Variants in APC observed in about 807,000 individuals in gnomAD.
APC encodes adenomatous polyposis coli protein.
A neutral mutation model predicts 247.0 loss-of-function variants in APC; 72 were observed. That is an observed-to-expected ratio of 0.29 (90% CI 0.24 to 0.35). The LOEUF is 0.35. Among genes scored for constraint, APC ranks in the 10% least tolerant of loss-of-function variants. APC has a pLI of 1.00. For missense variants in APC, 3,400 were observed against 3,360.7 expected (o/e 1.01, Z -0.29); for synonymous variants, 1,254 against 1,162.5 (o/e 1.08, Z -1.60).
rs904001781 is a variant in APC, at chr5:112,707,552, C to T, written c.-166C>T. On this transcript the variant is annotated 5_prime_UTR_variant, in exon 1 of 14. Coordinates refer to the APC transcript ENST00000507379. ...TGGCGGAGGGCAAGTAGCAAGGGGG[C>T]GGGGTGTGGCCGCCGGAAGCCTAGC... The T allele has an allele frequency of 1.3e-4, 75 of 575,058 alleles. No homozygotes were observed. The highest frequency in any genetic ancestry group is 1.2e-3 in the African/African-American group (62 of 53,558). The allele number at this position is 575,058 out of a possible 1,614,324, so 35.6% of individuals were successfully genotyped here.
intron 5 of APC, 137 bp downstream of exon 5, chr5:112,775,874 G>A: frequency 1.8e-6 from 1 of 551,620 alleles, no homozygotes; most frequent in Non-Finnish European, 3.2e-6. Context: ...CCAACTTTAG[G>A]CCTGAATATA....
At position 112,839,463 on chromosome 5, in the gene APC, A is replaced by T. The variant is rs1554085358; in HGVS notation, c.3869A>T (p.Asn1290Ile). Residue 1290 changes from asparagine (N) to isoleucine (I), a missense_variant, in exon 16 of 16, where the codon AAT becomes ATT. By Grantham distance (149) the Asn-to-Ile change is moderately radical. Around this residue, in one of 9 missense-constraint regions of APC, gnomAD observed 715 missense variants for 656.6 expected, o/e 1.09. Coordinates refer to ENST00000257430, the MANE Select transcript of APC (RefSeq NM_000038.6). This position sits in a 1 kb window ranked among gnomAD's most constrained non-coding sequence, Gnocchi z 5.0. The part of the protein sequence containing the change: ...LSSAEDEIGC[N>I]QTTQEADSAN... Reference sequence around the variant, plus strand: ...TCAGCTGAAGATGAAATAGGATGTAATCAGACGACACAGGAAGCAGATTCT... The same window carrying T: ...TCAGCTGAAGATGAAATAGGATGTATTCAGACGACACAGGAAGCAGATTCT... 6.2e-7 allele frequency: 1 copy of T among 1,614,210 alleles called. No individual in the cohort carries two copies. The highest frequency in any genetic ancestry group is 8.5e-7 in the Non-Finnish European group (1 of 1,180,024).
At chr5:112,729,194 A>G (rs1375260895) in intron 1 of APC, among the ~76,000 whole-genome samples, 3 of 152,230 alleles carry the variant, frequency 2.0e-5, no homozygotes, top group African/African-American at 7.2e-5. Flanking sequence ...ACTGTTATAG[A>G]TGCGAGGGAA....
intron 7 of APC, 36 bp from the exon 8 acceptor site, chr5:112,801,243 T>A (rs2149711073): frequency 6.4e-7 from 1 of 1,571,848 alleles, no homozygotes. Context: ...GCCTACACCA[T>A]TTTTGCATGT....
chr5:112,731,907 A>G (rs535845338), intron 1 of APC, among the ~76,000 whole-genome samples: 1 of 152,258 alleles, frequency 6.6e-6, no homozygotes, highest in East Asian at 1.9e-4. Context: ...GACTACAGGC[A>G]TGTGCCACCT....
chr5:112,813,005 C>T (rs1762138106), intron 8 of APC, among the ~76,000 whole-genome samples: 3 of 152,110 alleles, frequency 2.0e-5, no homozygotes. Context: ...AGTCCAGACC[C>T]ACAAAGGAAG....
chr5:112,804,214 G>T (rs981647674), intron 8 of APC, among the ~76,000 whole-genome samples: 5 of 152,144 alleles, frequency 3.3e-5, no homozygotes, highest in Non-Finnish European at 7.3e-5. Context: ...TTGATACGCT[G>T]TATTCCTGCT....
intron 13 of APC, among the ~76,000 whole-genome samples, chr5:112,828,224 G>A (rs544789030): frequency 5.3e-5 from 8 of 151,952 alleles, no homozygotes; most frequent in East Asian, 1.9e-4. Context: ...TATAGAGACG[G>A]GGTTTCACCA....
chr5:112,834,794 T>A (rs1764679782), intron 14 of APC, among the ~76,000 whole-genome samples, 157 bp from the exon 15 acceptor site: 1 of 152,208 alleles, frequency 6.6e-6, no homozygotes, highest in Non-Finnish European at 1.5e-5. Context: ...TGGTATTTTA[T>A]GAACATTTTT....
intron 8 of APC, among the ~76,000 whole-genome samples, chr5:112,802,176 A>G (rs558997840): frequency 6.6e-6 from 1 of 152,108 alleles, no homozygotes; most frequent in African/African-American, 2.4e-5. Flanking sequence ...TAGTCTCTCT[A>G]GGTTACTTTT....
chr5:112,785,757 A>G (rs1356274487), intron 6 of APC, among the ~76,000 whole-genome samples: 1 of 152,218 alleles, frequency 6.6e-6, no homozygotes, highest in African/African-American at 2.4e-5. Context: ...AATAAATTAT[A>G]TAGGTACAAC....
At chr5:112,767,455 A>C (rs1226086811) in intron 4 of APC, 65 bp downstream of exon 4, 1 of 1,304,900 alleles carries the variant, frequency 7.7e-7, no homozygotes, top group Non-Finnish European at 1.1e-6. Context: ...TTTGTAATAT[A>C]ATATTTAAAT....
At position 112,846,091 on chromosome 5, in the gene APC, T is replaced by C; in HGVS notation, c.*1965T>C. Reference sequence around the variant, plus strand: ...ATTTGACTCCAATGCCTGTACTGTGTCTACTGCACCACTTTGTAAACACTT... The same window carrying C: ...ATTTGACTCCAATGCCTGTACTGTGCCTACTGCACCACTTTGTAAACACTT... On this transcript the variant is annotated 3_prime_UTR_variant, in exon 16 of 16. Coordinates refer to ENST00000257430, the MANE Select transcript of APC (RefSeq NM_000038.6). 4.3e-6 allele frequency: 1 copy of C among 232,424 alleles called. No homozygotes were observed. Among genetic ancestry groups the C allele is most frequent in the East Asian group, 6.1e-5 (1 of 16,396 alleles). 14.4% of individuals were successfully genotyped at this position (232,424 alleles called of 1,614,324 possible).
At chr5:112,773,518 C>T (rs566728428) in intron 4 of APC, among the ~76,000 whole-genome samples, 125 of 152,248 alleles carry the variant, frequency 8.2e-4, no homozygotes, top group African/African-American at 2.8e-3. Flanking sequence ...TTACTGATTG[C>T]CTGTCTATTG....
Position 112,845,877 on chromosome 5 carries a change from A to G in APC, c.*1751A>G. On this transcript the variant is annotated 3_prime_UTR_variant, in exon 16 of 16. Coordinates refer to ENST00000257430, the MANE Select transcript of APC (RefSeq NM_000038.6). ...AGATTCATACACTCTGTATTTGGGG[A>G]GGGAAAACCTTTTTAAGCATGGTGG... The G allele has an allele frequency of 4.3e-6, 1 of 232,328 alleles. No homozygotes were observed. Among genetic ancestry groups the G allele is most frequent in the Non-Finnish European group, 8.5e-6 (1 of 117,512 alleles). 14.4% of individuals were successfully genotyped at this position (232,328 alleles called of 1,614,324 possible). A position where few individuals can be genotyped will look rare whatever the true frequency, so the allele number is the denominator to read the frequency against.
intron 5 of APC, 60 bp from the exon 6 acceptor site, chr5:112,780,730 G>T: frequency 4.2e-6 from 5 of 1,186,962 alleles, no homozygotes; most frequent in Admixed American, 1.9e-5. Context: ...ATGCTTTTTT[G>T]CTTTTACTGA....
intron 2 of APC, among the ~76,000 whole-genome samples, chr5:112,758,191 C>T (rs190403098): frequency 6.6e-6 from 1 of 152,234 alleles, no homozygotes; most frequent in East Asian, 1.9e-4. Flanking sequence ...ATAGAGATTA[C>T]ATGGAATTTA....
rs2149841403 is a variant in APC at position 112,834,992 on chromosome 5, G to T, written c.1785G>T (p.Leu595Phe). The T allele has an allele frequency of 6.2e-7, 1 of 1,614,106 alleles. No homozygotes were observed. The highest frequency in any genetic ancestry group is 8.5e-7 in the Non-Finnish European group (1 of 1,179,984). ...GCGTATTGAGTGCCTTATGGAATTTGTCAGCACATTGCACTGAGAATAAAG... is the reference window on the plus strand; with the variant it reads ...GCGTATTGAGTGCCTTATGGAATTTTTCAGCACATTGCACTGAGAATAAAG... Reference protein sequence around the residue: ...LKSVLSALWNLSAHCTENKAD... With the variant: ...LKSVLSALWNFSAHCTENKAD... Residue 595 changes from leucine (L) to phenylalanine (F), a missense_variant, in exon 15 of 16, where the codon TTG (leucine) becomes TTT (phenylalanine). Physicochemically the swap from Leu to Phe is conservative, Grantham distance 22. Around this residue, in one of 9 missense-constraint regions of APC, gnomAD observed 184 missense variants for 248.0 expected, o/e 0.74. Transcript: ENST00000257430.
chr5:112,795,325 C>G (rs1184839739), intron 7 of APC, among the ~76,000 whole-genome samples: 2 of 152,224 alleles, frequency 1.3e-5, no homozygotes, highest in East Asian at 3.9e-4. Context: ...CGTTCCCAGC[C>G]TTTTCCAGCA....
Sources: allele counts gnomAD v4.1 joint callset (sites outside exome capture counted in the v4.1 genomes callset), GRCh38; gene constraint gnomAD v4.1.1; regional missense constraint gnomAD v4.1.1; non-coding constraint Gnocchi (gnomAD v3.1); transcripts MANE v1.5; gene names NCBI Gene and HGNC (gene_info 2026-07-23, HGNC 2026-07-21).